Variants in ABHD6 observed in about 807,000 individuals in gnomAD.
ABHD6 encodes the protein monoacylglycerol lipase ABHD6.
ABHD6 carries 33 observed loss-of-function variants against 38.8 expected under a neutral mutation model. That is an observed-to-expected ratio of 0.85 (90% CI 0.64 to 1.14). ABHD6 has a LOEUF of 1.14. Ranked by LOEUF, ABHD6 falls within the 50% of genes most tolerant of loss-of-function variation. The pLI is 0.00. For missense variants in ABHD6, 380 were observed against 422.6 expected (o/e 0.90, Z 0.88); for synonymous variants, 147 against 161.6 (o/e 0.91, Z 0.69).
intron 7 of ABHD6, among the ~76,000 whole-genome samples, chr3:58,276,438 C>A (rs2097448771): frequency 6.6e-6 from 1 of 152,100 alleles, no homozygotes; most frequent in Admixed American, 6.5e-5. Context: ...CTGTTCATAT[C>A]CTTTGCCCAC....
Position 58,238,783 on chromosome 3 carries a change from G to A in ABHD6, c.-91+867G>A, listed in dbSNP as rs1014713745. The A allele has an allele frequency of 6.6e-6, 1 of 152,306 alleles. No homozygotes were observed. Among genetic ancestry groups the A allele is most frequent in the South Asian group, 2.1e-4 (1 of 4,826 alleles). 9.4% of individuals were successfully genotyped at this position (152,306 alleles called of 1,614,324 possible). ...GGTTAGGAAGAGGAAATAAAGTGGG[G>A]GTCTTACTCCAGCTGGGACCTGGAG... On this transcript the variant is annotated intron_variant, in intron 1 of 9. Transcript: ENST00000478253. This position sits in a 1 kb window ranked among gnomAD's most constrained non-coding sequence, Gnocchi z 6.9.
chr3:58,280,043 T>C (rs1398729847), intron 7 of ABHD6, among the ~76,000 whole-genome samples: 1 of 152,212 alleles, frequency 6.6e-6, no homozygotes, highest in African/African-American at 2.4e-5. Flanking sequence ...ATTTCAACCT[T>C]GCTGAATCTG....
chr3:58,279,661 A>G (rs2097451461), intron 7 of ABHD6, among the ~76,000 whole-genome samples: 1 of 152,160 alleles, frequency 6.6e-6, no homozygotes, highest in Non-Finnish European at 1.5e-5. Flanking sequence ...TTTGCCCATT[A>G]TTGATGCAGT....
chr3:58,290,275 G>C (rs1402647736), intron 9 of ABHD6, among the ~76,000 whole-genome samples: 1 of 136,858 alleles, frequency 7.3e-6, no homozygotes, highest in Non-Finnish European at 1.6e-5. Flanking sequence ...CCCAGACGGG[G>C]CGGCTGGCCG....
intron 9 of ABHD6, among the ~76,000 whole-genome samples, chr3:58,289,207 A>G (rs569916540): frequency 7.3e-5 from 11 of 149,760 alleles, no homozygotes; most frequent in Non-Finnish European, 1.6e-4. Flanking sequence ...GGCATGTGCC[A>G]CCACACCCGG....
chr3:58,286,959 T>C (rs2097457937), intron 9 of ABHD6, among the ~76,000 whole-genome samples: 1 of 150,124 alleles, frequency 6.7e-6, no homozygotes, highest in African/African-American at 2.5e-5. Context: ...AATTTTATCT[T>C]GAAATAATTT....
In ABHD6 at chr3:58,293,642, G is replaced by T. The variant is rs752647937; in HGVS notation, c.891G>T (p.Gln297His). The change falls in exon 10 of 10, where the codon CAG (glutamine) becomes CAT (histidine). Residue 297 changes from glutamine (Q) to histidine (H), a missense_variant. Transcript: ENST00000478253. The surrounding 1 kb of genome is among the most constrained non-coding windows in gnomAD (Gnocchi z 4.4). ...TGGCCAAGTCAATTGCCAACTGCCA[G>T]GTGGAGCTTCTGGAAAACTGTGGGC... is the stretch of plus-strand genomic sequence containing the variant. Reference protein sequence around the residue: ...DMLAKSIANCQVELLENCGHS... With the variant: ...DMLAKSIANCHVELLENCGHS... 3.0e-5 allele frequency: 48 copies of T among 1,614,088 alleles called. No homozygotes were observed. The highest frequency in any genetic ancestry group is 4.1e-5 in the Non-Finnish European group (48 of 1,180,048).
In ABHD6 at chr3:58,256,998, G is replaced by C. The variant is rs1242924429; in HGVS notation, c.119+293G>C. Among the ~76,000 whole-genome samples the C allele has an allele frequency of 6.6e-6, 1 of 152,024 alleles. No homozygotes were observed. Among genetic ancestry groups the C allele is most frequent in the African/African-American group, 2.4e-5 (1 of 41,378 alleles). On this transcript the variant is annotated intron_variant, in intron 3 of 9. Transcript: ENST00000478253. This position sits in a 1 kb window ranked among gnomAD's most constrained non-coding sequence, Gnocchi z 4.3. ...AGCTCACTGCAACCTCCACCTCCTG[G>C]CTTCAATCAATTTTCCTGCTTCAGC...
chr3:58,291,286 G>C (rs992928725), intron 9 of ABHD6, among the ~76,000 whole-genome samples: 2 of 151,812 alleles, frequency 1.3e-5, no homozygotes, highest in Admixed American at 1.3e-4. Context: ...GCTGAGGCAG[G>C]AGAATCAGGC....
Position 58,269,162 on chromosome 3 carries a change from A to T in ABHD6, c.277-159A>T, listed in dbSNP as rs1302212692. On this transcript the variant is annotated intron_variant, in intron 4 of 9. Transcript: ENST00000478253. The surrounding 1 kb of genome is among the most constrained non-coding windows in gnomAD (Gnocchi z 4.4). The stretch of plus-strand genomic sequence containing the variant: ...TCTGCTCCCGATGAGGCTACTGGCA[A>T]TGCTTATTCAATTACTGGGGTAAAA... Among the ~76,000 whole-genome samples, 1 of 152,210 alleles carries T rather than the reference A, an allele frequency of 6.6e-6. No individual in the cohort carries two copies. Among genetic ancestry groups the T allele is most frequent in the African/African-American group, 2.4e-5 (1 of 41,458 alleles).
chr3:58,275,680 C>G (rs1342585318), intron 7 of ABHD6, among the ~76,000 whole-genome samples: 1 of 152,124 alleles, frequency 6.6e-6, no homozygotes, highest in Non-Finnish European at 1.5e-5. Context: ...TTCTAGGGTG[C>G]ATGTGCACAG....
intron 1 of ABHD6, among the ~76,000 whole-genome samples, chr3:58,239,869 C>T (rs944619210): frequency 5.9e-5 from 9 of 151,330 alleles, no homozygotes; most frequent in Admixed American, 3.3e-4. Context: ...TGTTTTGTCT[C>T]GGTGTGGTGG....
chr3:58,286,860 A>ATG (rs1397443608), intron 9 of ABHD6, among the ~76,000 whole-genome samples: 10 of 121,362 alleles, frequency 8.2e-5, no homozygotes, highest in Admixed American at 4.2e-4. Context: ...GTGTATATAT[A>ATG]TATATATATG....
chr3:58,281,214 G>T (rs1314448967), intron 7 of ABHD6, among the ~76,000 whole-genome samples: 2 of 152,214 alleles, frequency 1.3e-5, no homozygotes, highest in African/African-American at 2.4e-5. Context: ...GTGGAGTCTA[G>T]AGGCTGCTGG....
At chr3:58,274,514 G>A (rs1431368285) in intron 6 of ABHD6, 144 bp from the exon 7 acceptor site, 1 of 802,624 alleles carries the variant, frequency 1.2e-6, no homozygotes, top group East Asian at 2.7e-5. Flanking sequence ...GAGCAAGGAT[G>A]GCAGTACCAA....
chr3:58,279,216 T>A (rs2097451070), intron 7 of ABHD6, among the ~76,000 whole-genome samples: 1 of 152,150 alleles, frequency 6.6e-6, no homozygotes, highest in South Asian at 2.1e-4. Flanking sequence ...AAGTCTCCCA[T>A]TATTATTGTG....
In ABHD6 at chr3:58,269,548, C is replaced by T. The variant is rs2097443357; in HGVS notation, c.390+114C>T. On this transcript the variant is annotated intron_variant, in intron 5 of 9. Coordinates refer to ENST00000478253, the MANE Select transcript of ABHD6 (RefSeq NM_001320126.2). The surrounding 1 kb of genome is among the most constrained non-coding windows in gnomAD (Gnocchi z 4.4). ...GCTACCTCATGACCAGTCTCCTGTA[C>T]ATTCTGTCTACAAGTGATGGCAAGC... 18 of 789,078 alleles carry T rather than the reference C, an allele frequency of 2.3e-5. No individual in the cohort carries two copies. The South Asian group carries it at 3.0e-4, about 13-fold the overall frequency. 48.9% of individuals were successfully genotyped at this position (789,078 alleles called of 1,614,324 possible). A position where few individuals can be genotyped will look rare whatever the true frequency, so the allele number is the denominator to read the frequency against.
intron 7 of ABHD6, among the ~76,000 whole-genome samples, chr3:58,278,702 ATTTTAGATC>A (rs989141151): frequency 1.3e-5 from 2 of 152,072 alleles, no homozygotes; most frequent in African/African-American, 2.4e-5. Flanking sequence ...TAGGGTGTCA[ATTTTAGATC>A]TTTCTTGCTT....
intron 1 of ABHD6, among the ~76,000 whole-genome samples, chr3:58,240,094 G>A (rs1175967782): frequency 6.6e-6 from 1 of 151,980 alleles, no homozygotes; most frequent in African/African-American, 2.4e-5. Context: ...CAAGGCTGCA[G>A]TGAGCTGAGA....
Sources: allele counts gnomAD v4.1 joint callset (sites outside exome capture counted in the v4.1 genomes callset), GRCh38; gene constraint gnomAD v4.1.1; non-coding constraint Gnocchi (gnomAD v3.1); transcripts MANE v1.5; gene names NCBI Gene and HGNC (gene_info 2026-07-23, HGNC 2026-07-21).